Variants in PTBP3 observed in about 807,000 individuals in gnomAD.
PTBP3 encodes polypyrimidine tract-binding protein 3.
A neutral mutation model predicts 58.7 loss-of-function variants in PTBP3; 20 were observed. The ratio of observed to expected loss-of-function variants is 0.34; its 90% CI spans 0.24 to 0.50. PTBP3 has a LOEUF of 0.50. Ranked by LOEUF, PTBP3 falls within the 20% of genes least tolerant of loss-of-function variation. The pLI is 0.98. For missense variants in PTBP3, 509 were observed against 637.2 expected (o/e 0.80, Z 2.17); for synonymous variants, 185 against 219.8 (o/e 0.84, Z 1.40).
chr9:112,261,157 A>C (rs1836578535), intron 5 of PTBP3, among the ~76,000 whole-genome samples: 1 of 152,220 alleles, frequency 6.6e-6, no homozygotes, highest in African/African-American at 2.4e-5. Flanking sequence ...AGAACAATGA[A>C]ACCAATCACT....
At position 112,262,377 on chromosome 9, in the gene PTBP3, A is replaced by G. The variant is rs979554607; in HGVS notation, c.516+58T>C. ...CTAAACAACTTAGATATAAAACATC[A>G]AAAGTTTCAGAGGCCATATTTAACT... On this transcript the variant is annotated intron_variant, in intron 5 of 13. Transcript: ENST00000374257. 6.4e-6 allele frequency: 9 copies of G among 1,402,380 alleles called. No homozygotes were observed. The Admixed American group carries it at 2.1e-4, about 33-fold the overall frequency. The allele number at this position is 1,402,380 out of a possible 1,614,324, so 86.9% of individuals were successfully genotyped here.
chr9:112,245,505 AAC>A (rs536912403), intron 7 of PTBP3, among the ~76,000 whole-genome samples: 1 of 151,426 alleles, frequency 6.6e-6, no homozygotes, highest in Non-Finnish European at 1.5e-5. Flanking sequence ...TGTTTTTTAA[AAC>A]ACACACACAC....
chr9:112,269,716 A>G (rs1304718295), intron 3 of PTBP3, among the ~76,000 whole-genome samples: 1 of 152,180 alleles, frequency 6.6e-6, no homozygotes, highest in Non-Finnish European at 1.5e-5. Flanking sequence ...ATTGGACTGT[A>G]TGGGATTTTT....
intron 1 of PTBP3, among the ~76,000 whole-genome samples, chr9:112,319,516 ATC>A (rs1295378913): frequency 2.0e-5 from 3 of 152,200 alleles, no homozygotes; most frequent in Non-Finnish European, 4.4e-5. Context: ...ATGACCTCAC[ATC>A]TGTTAGAATA....
chr9:112,349,525 T>C, the PTBP3 span, among the ~76,000 whole-genome samples: 3 of 152,106 alleles, frequency 2.0e-5, no homozygotes, highest in Non-Finnish European at 4.4e-5. Flanking sequence ...TTATGGGACT[T>C]GAACCCTTAA....
At chr9:112,274,862 G>A (rs1000846308) in intron 3 of PTBP3, among the ~76,000 whole-genome samples, 14 of 152,310 alleles carry the variant, frequency 9.2e-5, no homozygotes, top group Middle Eastern at 3.4e-3. Context: ...ATCAGAAAGA[G>A]CGTGGCCTAT....
chr9:112,299,427 G>GACAAGTCATGGAAT (rs941977746), intron 1 of PTBP3, among the ~76,000 whole-genome samples: 2 of 151,954 alleles, frequency 1.3e-5, no homozygotes, highest in Non-Finnish European at 2.9e-5. Flanking sequence ...AGAATAAACA[G>GACAAGTCATGGAAT]ACAAGTCATG....
intron 2 of PTBP3, among the ~76,000 whole-genome samples, chr9:112,286,832 C>T (rs578146898): frequency 6.6e-6 from 1 of 152,322 alleles, no homozygotes; most frequent in South Asian, 2.1e-4. Flanking sequence ...CAAATGCTCT[C>T]AGCTCTTGTG....
At chr9:112,296,681 C>T (rs1828703882) in intron 2 of PTBP3, among the ~76,000 whole-genome samples, 1 of 152,226 alleles carries the variant, frequency 6.6e-6, no homozygotes, top group South Asian at 2.1e-4. Context: ...CACTGCCTAT[C>T]TGTCATTTCC....
At chr9:112,305,322 T>C (rs991859319) in intron 1 of PTBP3, among the ~76,000 whole-genome samples, 4 of 150,606 alleles carry the variant, frequency 2.7e-5, no homozygotes, top group Non-Finnish European at 5.9e-5. Context: ...GGGTAAGGAA[T>C]AGCCATGCCA....
chr9:112,332,889 C>G (rs1292680875), intron 1 of PTBP3: 2 of 1,603,424 alleles, frequency 1.2e-6, no homozygotes, highest in Non-Finnish European at 1.7e-6. Flanking sequence ...GTTAACGTAT[C>G]TCACAGCACA....
chr9:112,293,050 A>G (rs1468160483), intron 2 of PTBP3, among the ~76,000 whole-genome samples: 2 of 152,192 alleles, frequency 1.3e-5, no homozygotes, highest in Non-Finnish European at 2.9e-5. Context: ...AGAAATGAGA[A>G]GAACGAAAGG....
At chr9:112,364,960 C>G in the PTBP3 span, among the ~76,000 whole-genome samples, 13 of 152,190 alleles carry the variant, frequency 8.5e-5, no homozygotes, top group Admixed American at 5.2e-4. Context: ...CCACCACAAC[C>G]CAGCCTCTGG....
intron 5 of PTBP3, 145 bp from the exon 6 acceptor site, chr9:112,252,933 T>C (rs1836189536): frequency 5.0e-6 from 3 of 599,830 alleles, no homozygotes; most frequent in Non-Finnish European, 8.7e-6. Context: ...GCCTAAAACA[T>C]TAACATTTCA....
intron 3 of PTBP3, among the ~76,000 whole-genome samples, chr9:112,274,117 A>G (rs1029647704): frequency 1.3e-5 from 2 of 152,164 alleles, no homozygotes; most frequent in Non-Finnish European, 2.9e-5. Context: ...ACGGTCTCCA[A>G]AGGATTTAAG....
At chr9:112,377,480 G>A in the PTBP3 span, among the ~76,000 whole-genome samples, 1 of 152,300 alleles carries the variant, frequency 6.6e-6, no homozygotes, top group African/African-American at 2.4e-5. Flanking sequence ...GAGGATCATG[G>A]AAGCACCTTA....
chr9:112,331,250 T>A (rs1476933960), intron 1 of PTBP3, among the ~76,000 whole-genome samples: 1 of 152,082 alleles, frequency 6.6e-6, no homozygotes, highest in East Asian at 1.9e-4. Flanking sequence ...ATGTAGAAAT[T>A]TAATTAGTCT....
the PTBP3 span, chr9:112,362,993 A>T: frequency 4.1e-6 from 1 of 242,006 alleles, no homozygotes; most frequent in Non-Finnish European, 8.4e-6. Flanking sequence ...AGAAAATCTT[A>T]CTGTCCTGAG....
chr9:112,378,580 G>A, the PTBP3 span, among the ~76,000 whole-genome samples: 1 of 152,192 alleles, frequency 6.6e-6, no homozygotes, highest in Non-Finnish European at 1.5e-5. Flanking sequence ...ACACGCTTCA[G>A]CAAGTGCTCC....
Sources: allele counts gnomAD v4.1 joint callset (sites outside exome capture counted in the v4.1 genomes callset), GRCh38; gene constraint gnomAD v4.1.1; transcripts MANE v1.5; gene names NCBI Gene and HGNC (gene_info 2026-07-23, HGNC 2026-07-21).